JCAD: variants seen among roughly 807,000 people sequenced by gnomAD.
JCAD encodes junctional cadherin 5 associated.
Under a neutral mutation model 98.0 loss-of-function variants are expected in JCAD, and 40 were observed. The observed-to-expected ratio is 0.41, with a 90% CI of 0.32 to 0.53. The LOEUF (loss-of-function observed/expected upper bound fraction) is 0.53. Among genes scored for constraint, JCAD ranks in the 20% least tolerant of loss-of-function variants. The pLI is 0.31. For missense variants in JCAD, 1,705 were observed against 1,738.1 expected, an observed-to-expected ratio of 0.98 and a Z score of 0.34; for synonymous variants, 691 against 682.3, an observed-to-expected ratio of 1.01 and a Z score of -0.20.
At chr10:30,038,696 A>AT (rs1308016764) in intron 2 of JCAD, among the ~76,000 whole-genome samples, 1 of 146,492 alleles carries the variant, frequency 6.8e-6, no homozygotes, top group Admixed American at 6.7e-5. Context: ...AATAAAAAAA[A>AT]AAAAAAAAAG....
chr10:30,083,511 T>C (rs1838119496), intron 1 of JCAD, among the ~76,000 whole-genome samples: 1 of 152,232 alleles, frequency 6.6e-6, no homozygotes, highest in African/African-American at 2.4e-5. Context: ...CAAACAAATA[T>C]ATTTGCAGAT....
chr10:30,050,382 C>T (rs757147027), intron 1 of JCAD, among the ~76,000 whole-genome samples: 2 of 150,520 alleles, frequency 1.3e-5, no homozygotes, highest in Non-Finnish European at 3.0e-5. Flanking sequence ...TAACAGAATC[C>T]TGGCAGACTA....
intron 3 of JCAD, among the ~76,000 whole-genome samples, chr10:30,019,878 T>C (rs1836621678): frequency 6.6e-6 from 1 of 151,876 alleles, no homozygotes; most frequent in African/African-American, 2.4e-5. Context: ...CACCATGTTC[T>C]ATACCTTAAA....
chr10:30,019,421 G>A (rs972916574), intron 3 of JCAD, among the ~76,000 whole-genome samples: 4 of 151,158 alleles, frequency 2.6e-5, no homozygotes, highest in African/African-American at 7.3e-5. Flanking sequence ...GATATTATTC[G>A]GCCCTAAAAG....
chr10:30,087,898 T>C (rs549995080), intron 1 of JCAD, among the ~76,000 whole-genome samples: 2 of 152,356 alleles, frequency 1.3e-5, no homozygotes, highest in East Asian at 1.9e-4. Flanking sequence ...TGGCGTGCAG[T>C]GGCATGATCT....
chr10:30,091,685 T>C (rs1341973563), intron 1 of JCAD, among the ~76,000 whole-genome samples: 4 of 151,070 alleles, frequency 2.6e-5, no homozygotes, highest in African/African-American at 9.7e-5. Context: ...TGGTTTGTAA[T>C]TTTTTTCTAC....
intron 1 of JCAD, among the ~76,000 whole-genome samples, chr10:30,109,303 C>A (rs1564475775): frequency 6.6e-6 from 1 of 152,194 alleles, no homozygotes; most frequent in Non-Finnish European, 1.5e-5. Flanking sequence ...AGGCTTGGTT[C>A]ATTAAGGACC....
chr10:30,046,653 A>T (rs1837344207), intron 2 of JCAD, among the ~76,000 whole-genome samples: 1 of 152,208 alleles, frequency 6.6e-6, no homozygotes, highest in African/African-American at 2.4e-5. Flanking sequence ...AGATGAAGAG[A>T]TTACAAGGGA....
chr10:30,033,596 A>T (rs1388699197), intron 2 of JCAD, among the ~76,000 whole-genome samples: 2 of 152,162 alleles, frequency 1.3e-5, no homozygotes, highest in African/African-American at 4.8e-5. Flanking sequence ...TTTGATTACT[A>T]GTGAGGTCGA....
chr10:30,047,817 C>A lies in JCAD; in HGVS notation c.-5G>T. The A allele has an allele frequency of 6.3e-7, 1 of 1,595,442 alleles. No homozygotes were observed. The highest frequency in any genetic ancestry group is 1.1e-5 in the South Asian group (1 of 88,886). On this transcript the variant is annotated 5_prime_UTR_variant, in exon 2 of 4. Coordinates refer to ENST00000375377, the MANE Select transcript of JCAD (RefSeq NM_020848.4). Reference sequence around the variant, plus strand: ...GAGGTCTTCTACACTGTACATGATGCCTGGGCTTCAGCAAAGCTCAACCAC... The same window carrying A: ...GAGGTCTTCTACACTGTACATGATGACTGGGCTTCAGCAAAGCTCAACCAC...
At chr10:30,061,326 G>A (rs1411889191), upstream of JCAD, among the ~76,000 whole-genome samples, 1 of 152,030 alleles carries the variant, frequency 6.6e-6, no homozygotes, top group Non-Finnish European at 1.5e-5. Context: ...GCGGATCACC[G>A]GAGGTCTGGA....
At chr10:30,083,899 C>T (rs926028642) in intron 1 of JCAD, among the ~76,000 whole-genome samples, 13 of 152,084 alleles carry the variant, frequency 8.5e-5, no homozygotes, top group African/African-American at 2.9e-4. Context: ...GTGGTACACA[C>T]CTCTAGTCCC....
At chr10:30,040,952 C>T (rs150564622) in intron 2 of JCAD, among the ~76,000 whole-genome samples, 141 of 152,264 alleles carry the variant, frequency 9.3e-4, no homozygotes, top group African/African-American at 3.1e-3. Flanking sequence ...GAATTCCACA[C>T]GAACAACTCT....
chr10:30,113,895 T>A (rs1293310341), intron 1 of JCAD, among the ~76,000 whole-genome samples: 1 of 152,212 alleles, frequency 6.6e-6, no homozygotes, highest in Non-Finnish European at 1.5e-5. Flanking sequence ...ATTTTTTTAA[T>A]AGATGGATCT....
intron 1 of JCAD, among the ~76,000 whole-genome samples, chr10:30,055,078 T>C (rs144789675): frequency 5.9e-5 from 9 of 152,372 alleles, no homozygotes; most frequent in African/African-American, 2.2e-4. Context: ...CTCTAGTATA[T>C]GGTACATGTG....
At chr10:30,107,591 CCGT>C (rs1227872888) in intron 1 of JCAD, among the ~76,000 whole-genome samples, 1 of 152,186 alleles carries the variant, frequency 6.6e-6, no homozygotes, top group East Asian at 1.9e-4. Context: ...AGTTGAGCAG[CCGT>C]CGCCACTGCT....
chr10:30,025,051 T>A (rs1836759790), intron 3 of JCAD, among the ~76,000 whole-genome samples: 1 of 152,152 alleles, frequency 6.6e-6, no homozygotes, highest in Non-Finnish European at 1.5e-5. Context: ...ACAACAGCTC[T>A]TTTCTATCTG....
chr10:30,028,286 TC>T lies in JCAD; in HGVS notation c.1861del (p.Glu621AsnfsTer5), dbSNP rs747749746. The T allele has an allele frequency of 1.9e-6, 3 of 1,614,216 alleles. No individual in the cohort carries two copies. Among genetic ancestry groups the T allele is most frequent in the Non-Finnish European group, 2.5e-6 (3 of 1,180,044 alleles). Reference sequence around the variant, plus strand: ...GGAAGACATGCTCAGCAGACTCTGTTCTTGCAGAGCCGGGCTCTTATCAGAC... The same window carrying T: ...GGAAGACATGCTCAGCAGACTCTGTTTTGCAGAGCCGGGCTCTTATCAGAC... ...NGSDKSPALQ[E>X]QSLLSMSSTD... On this transcript the variant is annotated frameshift_variant, in exon 3 of 4. Coordinates refer to ENST00000375377, the MANE Select transcript of JCAD (RefSeq NM_020848.4). LOFTEE classifies it high-confidence loss of function.
intron 2 of JCAD, among the ~76,000 whole-genome samples, chr10:30,042,450 A>G (rs980201091): frequency 3.3e-5 from 5 of 152,152 alleles, no homozygotes; most frequent in African/African-American, 9.6e-5. Flanking sequence ...AGTTTCAACT[A>G]AGAGATGCGG....
Sources: allele counts gnomAD v4.1 joint callset (sites outside exome capture counted in the v4.1 genomes callset), GRCh38; gene constraint gnomAD v4.1.1; transcripts MANE v1.5; gene names NCBI Gene and HGNC (gene_info 2026-07-23, HGNC 2026-07-21).